Variants in CALN1 observed in about 807,000 individuals in gnomAD.
CALN1 encodes the protein calneuron 1.
In CALN1, 17 loss-of-function variants were observed where a neutral mutation model predicts 30.6. The observed-to-expected ratio is 0.56, with a 90% confidence interval of 0.38 to 0.83. The LOEUF (loss-of-function observed/expected upper bound fraction) is 0.83. CALN1 is among the 40% of genes least tolerant of loss of function. The probability of loss-of-function intolerance (pLI) is 0.00; values close to 1 mark genes in which losing one functional copy is unlikely to be tolerated. For synonymous variants in CALN1, 156 were observed against 131.4 expected (o/e 1.19, Z -1.28); for missense variants, 291 against 354.9 (o/e 0.82, Z 1.45).
chr7:72,242,405 A>C (rs1296978921), intron 3 of CALN1, among the ~76,000 whole-genome samples: 1 of 152,200 alleles, frequency 6.6e-6, no homozygotes, highest in East Asian at 1.9e-4. Flanking sequence ...TAAAAATCTT[A>C]AATTATTTTT....
At chr7:71,964,678 A>G (rs909760453) in intron 5 of CALN1, among the ~76,000 whole-genome samples, 26 of 150,738 alleles carry the variant, frequency 1.7e-4, no homozygotes, top group African/African-American at 6.2e-4. Context: ...AACCAAACCA[A>G]AACAAAACAA....
chr7:71,975,400 T>G (rs1306797112), intron 5 of CALN1, among the ~76,000 whole-genome samples: 2 of 152,184 alleles, frequency 1.3e-5, no homozygotes, highest in East Asian at 3.9e-4. Context: ...ATGTGCTTCA[T>G]GGAACATACC....
intron 2 of CALN1, among the ~76,000 whole-genome samples, chr7:72,290,570 C>G (rs976659435): frequency 1.3e-5 from 2 of 152,142 alleles, no homozygotes; most frequent in African/African-American, 4.8e-5. Context: ...GCATCAAATC[C>G]CTTATACTAA....
intron 5 of CALN1, among the ~76,000 whole-genome samples, chr7:71,877,556 A>G (rs1792320866): frequency 6.6e-6 from 1 of 152,144 alleles, no homozygotes; most frequent in Admixed American, 6.6e-5. Flanking sequence ...ATGGAATAGA[A>G]AAAGTACTTA....
rs754201004 is a variant in CALN1, at chr7:72,016,998, C to CAAAAAAAAAA, written c.501+6649_501+6658dup. 1.3e-3 allele frequency among the ~76,000 whole-genome samples: 40 copies of CAAAAAAAAAA among 31,936 alleles called. 2 individuals carry two copies. Among genetic ancestry groups the CAAAAAAAAAA allele is most frequent in the African/African-American group, 3.8e-3 (25 of 6,604 alleles). The allele number at this position is 31,936 out of a possible 152,430, so 21.0% of individuals were successfully genotyped here. ...CAAAACCCCGTGTTTACTAAAAATA[C>CAAAAAAAAAA]AAAAAAAAAAAAAAAAAAAGCTGGG... is the stretch of plus-strand genomic sequence containing the variant. On this transcript the variant is annotated intron_variant, in intron 5 of 6. Transcript: ENST00000395275.
chr7:71,925,155 C>T (rs1184610474), intron 5 of CALN1, among the ~76,000 whole-genome samples: 2 of 152,062 alleles, frequency 1.3e-5, no homozygotes. Context: ...GCAGGAGGAT[C>T]GCTTGAACCT....
At chr7:72,038,221 C>G (rs1801919242) in intron 4 of CALN1, among the ~76,000 whole-genome samples, 1 of 152,086 alleles carries the variant, frequency 6.6e-6, no homozygotes, top group Non-Finnish European at 1.5e-5. Flanking sequence ...CTTCCTGGAA[C>G]ACAAGTACAG....
the CALN1 span, among the ~76,000 whole-genome samples, chr7:72,500,898 T>A: frequency 3.2e-4 from 49 of 152,282 alleles, no homozygotes; most frequent in African/African-American, 1.1e-3. Flanking sequence ...TGTATAAGAA[T>A]GTTTACATAA....
At chr7:71,827,770 T>TTAAAAAAA (rs1232588870) in intron 5 of CALN1, among the ~76,000 whole-genome samples, 1 of 76,742 alleles carries the variant, frequency 1.3e-5, no homozygotes, top group African/African-American at 7.4e-5. Context: ...AGACTCCATC[T>TTAAAAAAA]TAAAAAAATA....
chr7:71,885,969 G>A (rs1792877808), intron 5 of CALN1, among the ~76,000 whole-genome samples: 1 of 152,192 alleles, frequency 6.6e-6, no homozygotes, highest in South Asian at 2.1e-4. Flanking sequence ...CCAGTACAAT[G>A]AGCCGATTTA....
intron 3 of CALN1, among the ~76,000 whole-genome samples, chr7:72,269,776 T>C (rs998848819): frequency 2.0e-5 from 3 of 152,192 alleles, no homozygotes; most frequent in East Asian, 1.9e-4. Context: ...GTTCAGTCTA[T>C]AGTCAAATAT....
At chr7:72,433,519 T>C (rs1000371779) in intron 1 of CALN1, among the ~76,000 whole-genome samples, 5 of 152,168 alleles carry the variant, frequency 3.3e-5, no homozygotes, top group Non-Finnish European at 5.9e-5. Context: ...TACCCCATCC[T>C]GGGTGCTTGC....
chr7:72,088,747 AAG>A lies in CALN1; in HGVS notation c.388+17402_388+17403del. On this transcript the variant is annotated intron_variant, in intron 4 of 6. Coordinates refer to ENST00000395275, the MANE Select transcript of CALN1 (RefSeq NM_031468.4). The stretch of plus-strand genomic sequence containing the variant: ...AGAAGAAAGAAGAAGGAAGGAAGGG[AAG>A]GAAGGAAGAGAAGGAAGAGAAGTAA... 8.8e-5 allele frequency among the ~76,000 whole-genome samples: 13 copies of A among 148,114 alleles called. No individual in the cohort carries two copies. The South Asian group carries it at 2.6e-3, about 30-fold the overall frequency.
chr7:72,395,771 A>C (rs1805892980), intron 2 of CALN1, among the ~76,000 whole-genome samples: 2 of 152,116 alleles, frequency 1.3e-5, no homozygotes, highest in African/African-American at 4.8e-5. Context: ...AGATTTGGTC[A>C]ATGGAACAAG....
intron 2 of CALN1, among the ~76,000 whole-genome samples, chr7:72,331,649 T>C (rs1801686263): frequency 6.6e-6 from 1 of 152,188 alleles, no homozygotes; most frequent in Non-Finnish European, 1.5e-5. Flanking sequence ...TATCTATTTA[T>C]TTACTTATTC....
intron 5 of CALN1, among the ~76,000 whole-genome samples, chr7:71,850,347 C>T (rs1790565719): frequency 6.6e-6 from 1 of 152,096 alleles, no homozygotes; most frequent in Admixed American, 6.6e-5. Flanking sequence ...TCAAGAGTAG[C>T]TGGGATTACA....
chr7:71,838,261 A>G (rs1221826339), intron 5 of CALN1, among the ~76,000 whole-genome samples: 1 of 152,230 alleles, frequency 6.6e-6, no homozygotes, highest in Non-Finnish European at 1.5e-5. Context: ...AATCTTTTTA[A>G]GCAGGCTTGT....
chr7:72,165,020 T>C (rs1210094338), intron 3 of CALN1, among the ~76,000 whole-genome samples: 3 of 152,176 alleles, frequency 2.0e-5, no homozygotes, highest in Non-Finnish European at 4.4e-5. Context: ...AGTGGTTACA[T>C]AGGCATATAC....
chr7:71,924,948 G>T (rs1226104314), intron 5 of CALN1, among the ~76,000 whole-genome samples: 1 of 152,164 alleles, frequency 6.6e-6, no homozygotes, highest in African/African-American at 2.4e-5. Flanking sequence ...GATTTACAAT[G>T]AAATAAATTT....
Sources: gnomAD v4.1 joint callset for allele counts (sites outside exome capture counted in the v4.1 genomes callset) on GRCh38, gnomAD v4.1.1 for gene constraint, MANE v1.5 for transcripts, NCBI Gene and HGNC (gene_info 2026-07-23, HGNC 2026-07-21) for gene names.